The following IGSF21 variants were observed in gnomAD, a reference collection of about 807,000 sequenced individuals.
IGSF21 encodes the protein immunoglobin superfamily member 21.
Under a neutral mutation model 46.8 loss-of-function variants are expected in IGSF21, and 28 were observed. The observed-to-expected ratio is 0.60, with a 90% CI of 0.44 to 0.82. The LOEUF is 0.82. Ranked by LOEUF, IGSF21 falls within the 40% of genes least tolerant of loss-of-function variation. The probability of loss-of-function intolerance (pLI) is 0.00; values close to 1 mark genes in which losing one functional copy is unlikely to be tolerated. For missense variants in IGSF21, 624 were observed against 665.5 expected (o/e 0.94, Z 0.69); for synonymous variants, 284 against 273.6 (o/e 1.04, Z -0.38).
chr1:18,231,281 G>T (rs1247011616), intron 2 of IGSF21, among the ~76,000 whole-genome samples: 1 of 152,174 alleles, frequency 6.6e-6, no homozygotes, highest in Non-Finnish European at 1.5e-5. Context: ...TGGATTCTTT[G>T]GGTAAATCAG....
intron 4 of IGSF21, among the ~76,000 whole-genome samples, chr1:18,354,058 G>A (rs181525747): frequency 2.6e-5 from 4 of 152,352 alleles, no homozygotes; most frequent in South Asian, 4.1e-4. Flanking sequence ...GGAGACAGAC[G>A]TTGACCCAGA....
intron 1 of IGSF21, among the ~76,000 whole-genome samples, chr1:18,225,765 T>A (rs1272270032): frequency 6.6e-6 from 1 of 152,178 alleles, no homozygotes; most frequent in Non-Finnish European, 1.5e-5. Flanking sequence ...ATGCCCATCC[T>A]CCATCTTTAG....
At chr1:18,304,900 AT>A (rs1268802320) in intron 3 of IGSF21, among the ~76,000 whole-genome samples, 1 of 152,246 alleles carries the variant, frequency 6.6e-6, no homozygotes, top group Non-Finnish European at 1.5e-5. Context: ...AGAATAAAGT[AT>A]TTGTTGCCGT....
chr1:18,193,821 G>A (rs547494577), intron 1 of IGSF21, among the ~76,000 whole-genome samples: 119 of 152,270 alleles, frequency 7.8e-4, no homozygotes, highest in African/African-American at 2.4e-3. Context: ...GATGGACAGG[G>A]TGGGTGTTTG....
At chr1:18,177,676 TC>T (rs2086816033) in intron 1 of IGSF21, among the ~76,000 whole-genome samples, 1 of 152,068 alleles carries the variant, frequency 6.6e-6, no homozygotes, top group Non-Finnish European at 1.5e-5. Context: ...AAATGTCTCA[TC>T]CCCTCTCTCC....
At chr1:18,279,513 G>T (rs2085137993) in intron 2 of IGSF21, among the ~76,000 whole-genome samples, 1 of 152,170 alleles carries the variant, frequency 6.6e-6, no homozygotes, top group African/African-American at 2.4e-5. Flanking sequence ...AGCAGGAAGA[G>T]AACTTAGCAA....
At chr1:18,339,016 A>G (rs979069410) in intron 4 of IGSF21, among the ~76,000 whole-genome samples, 11 of 152,172 alleles carry the variant, frequency 7.2e-5, no homozygotes, top group African/African-American at 2.2e-4. Context: ...CTCCTCTGGA[A>G]TGCCAAGGGG....
chr1:18,350,019 C>T (rs992449770), intron 4 of IGSF21, among the ~76,000 whole-genome samples: 1 of 152,190 alleles, frequency 6.6e-6, no homozygotes, highest in African/African-American at 2.4e-5. Flanking sequence ...AATCGTCAGC[C>T]CTGGCCCTGA....
intron 6 of IGSF21, among the ~76,000 whole-genome samples, chr1:18,369,796 C>G (rs976135951): frequency 2.6e-5 from 4 of 152,198 alleles, no homozygotes; most frequent in Admixed American, 6.5e-5. Context: ...AATGCCACCC[C>G]TCCAGGAAGA....
intron 3 of IGSF21, among the ~76,000 whole-genome samples, chr1:18,316,904 C>A (rs1015802406): frequency 2.0e-5 from 3 of 152,170 alleles, no homozygotes; most frequent in African/African-American, 7.2e-5. Flanking sequence ...CATTGAACAC[C>A]AATCCATGCC....
At chr1:18,140,223 C>G (rs77488054) in intron 1 of IGSF21, among the ~76,000 whole-genome samples, 4,780 of 152,284 alleles carry the variant, frequency 0.031, 274 homozygotes, top group African/African-American at 0.11. Flanking sequence ...GCTGGAATCA[C>G]GCAGCTTCCT....
chr1:18,273,433 TCTTTCTTTCTCA>T (rs1401263335), intron 2 of IGSF21, among the ~76,000 whole-genome samples: 1 of 132,860 alleles, frequency 7.5e-6, no homozygotes, highest in African/African-American at 3.0e-5. Context: ...TCCTTTCCTT[TCTTTCTTTCTCA>T]CTTTCTTTCT....
At chr1:18,361,540 G>C (rs1025593429) in intron 4 of IGSF21, 1 of 152,808 alleles carries the variant, frequency 6.5e-6, no homozygotes, top group African/African-American at 2.4e-5. Context: ...GCTGGGCACC[G>C]CATTCCCCCT....
chr1:18,288,743 G>A (rs1453153256), intron 2 of IGSF21, among the ~76,000 whole-genome samples: 2 of 152,180 alleles, frequency 1.3e-5, no homozygotes, highest in African/African-American at 4.8e-5. Flanking sequence ...TTTGCCTTCC[G>A]AGAGGCTGAG....
chr1:18,201,346 T>C (rs138912605), intron 1 of IGSF21, among the ~76,000 whole-genome samples: 43 of 152,290 alleles, frequency 2.8e-4, no homozygotes, highest in African/African-American at 9.6e-4. Flanking sequence ...CCAGTGAAGA[T>C]TGTGGAACTG....
intron 1 of IGSF21, chr1:18,113,956 T>C (rs1378606950): frequency 6.6e-6 from 1 of 152,208 alleles, no homozygotes; most frequent in Non-Finnish European, 1.5e-5. Context: ...GTTACTCGAC[T>C]TTTTCGTAGT....
intron 2 of IGSF21, among the ~76,000 whole-genome samples, chr1:18,254,059 C>A (rs72932930): frequency 0.029 from 4,401 of 152,214 alleles, 219 homozygotes; most frequent in African/African-American, 0.099. Context: ...TTTCAAACCA[C>A]CCTGGGACAC....
intron 4 of IGSF21, among the ~76,000 whole-genome samples, chr1:18,352,024 G>A (rs1004332728): frequency 2.6e-5 from 4 of 152,190 alleles, no homozygotes; most frequent in East Asian, 1.9e-4. Flanking sequence ...ACAAGTAGCC[G>A]ATCAAGCCGT....
At chr1:18,318,187 G>A (rs2085562199) in intron 3 of IGSF21, among the ~76,000 whole-genome samples, 2 of 152,194 alleles carry the variant, frequency 1.3e-5, no homozygotes, top group Admixed American at 6.5e-5. Flanking sequence ...CAGTGTAACT[G>A]TTAAATGATG....
Sources: allele counts gnomAD v4.1 joint callset (sites outside exome capture counted in the v4.1 genomes callset), GRCh38; gene constraint gnomAD v4.1.1; transcripts MANE v1.5; gene names NCBI Gene and HGNC (gene_info 2026-07-23, HGNC 2026-07-21).